The following MED13L variants were observed in gnomAD, a reference collection of about 807,000 sequenced individuals.
MED13L encodes mediator of RNA polymerase II transcription subunit 13-like.
A neutral mutation model predicts 220.9 loss-of-function variants in MED13L; 7 were observed. The observed-to-expected ratio is 0.03, with a 90% CI of 0.02 to 0.06. The LOEUF (loss-of-function observed/expected upper bound fraction) is 0.06, where lower values mean the gene tolerates loss of function less well. Among genes scored for constraint, MED13L ranks in the 10% least tolerant of loss-of-function variants. The probability of loss-of-function intolerance (pLI) is 1.00; values close to 1 mark genes in which losing one functional copy is unlikely to be tolerated. For synonymous variants in MED13L, 1,011 were observed against 1,015.2 expected, an observed-to-expected ratio of 1.00 and a Z score of 0.08; for missense variants, 1,965 against 2,760.5, an observed-to-expected ratio of 0.71 and a Z score of 6.46.
chr12:116,178,192 C>A (rs1880221672), intron 2 of MED13L, among the ~76,000 whole-genome samples: 2 of 152,064 alleles, frequency 1.3e-5, no homozygotes, highest in Admixed American at 1.3e-4. Context: ...TAATAGAAGT[C>A]ACAGAATTTT....
rs149631695 is a variant in MED13L at position 116,009,105 on chromosome 12, G to C, written c.1308C>G (p.Val436=). The change falls in exon 10 of 31, where the codon GTC becomes GTG. Residue 436 remains valine (V), a synonymous_variant. Transcript: ENST00000281928. ...ATACTGTGGGAGGTCGATTGGGCCC[G>C]ACTGCACAACGTTTTAAAAGCTTAT... ...SRHKLLKRCA[V]GPNRPPTVSQ... The C allele has an allele frequency of 6.2e-7, 1 of 1,613,948 alleles. No homozygotes were observed. The highest frequency in any genetic ancestry group is 8.5e-7 in the Non-Finnish European group (1 of 1,179,938).
intron 4 of MED13L, among the ~76,000 whole-genome samples, chr12:116,084,302 G>A (rs369314661): frequency 7.2e-5 from 11 of 152,122 alleles, no homozygotes; most frequent in African/African-American, 1.4e-4. Flanking sequence ...AATAATGCAC[G>A]ACAGTACATA....
Position 115,961,051 on chromosome 12 carries a change from G to A in MED13L, c.*215C>T, listed in dbSNP as rs141029410. 6.1e-4 allele frequency: 394 copies of A among 649,928 alleles called. 1 individual carries two copies. The highest frequency in any genetic ancestry group is 3.1e-3 in the South Asian group (177 of 56,614). The allele number at this position is 649,928 out of a possible 1,614,324, so 40.3% of individuals were successfully genotyped here. On this transcript the variant is annotated 3_prime_UTR_variant, in exon 31 of 31. Coordinates refer to ENST00000281928, the MANE Select transcript of MED13L (RefSeq NM_015335.5). ...GCACTGGCTGAAAGTCACCACTTAT[G>A]GAAGTTTCCAGGTCCATGAGAGAAG...
chr12:116,083,077 G>GTCAT (rs1871338937), intron 4 of MED13L, among the ~76,000 whole-genome samples: 1 of 152,184 alleles, frequency 6.6e-6, no homozygotes, highest in Non-Finnish European at 1.5e-5. Context: ...GATTTATCTA[G>GTCAT]TCATTCATTC....
At chr12:116,237,446 A>C in intron 2 of MED13L, 22 bp downstream of exon 2, 1 of 1,544,202 alleles carries the variant, frequency 6.5e-7, no homozygotes, top group Non-Finnish European at 9.0e-7. Flanking sequence ...AATAATTTTT[A>C]AGAAAAAAAC....
chr12:116,075,150 T>C (rs1870678304), intron 4 of MED13L, among the ~76,000 whole-genome samples: 1 of 152,222 alleles, frequency 6.6e-6, no homozygotes, highest in African/African-American at 2.4e-5. Flanking sequence ...ATCTTACCTT[T>C]TTCATTTTGG....
chr12:116,168,308 G>A (rs1224669466), intron 2 of MED13L, among the ~76,000 whole-genome samples: 1 of 150,616 alleles, frequency 6.6e-6, no homozygotes, highest in Non-Finnish European at 1.5e-5. Context: ...ATAGTGTCTT[G>A]TGCTTAATAA....
chr12:116,222,485 T>C (rs1868533574), intron 2 of MED13L, among the ~76,000 whole-genome samples: 1 of 152,210 alleles, frequency 6.6e-6, no homozygotes. Context: ...TGACCTATGC[T>C]GTAATGCCAG....
At chr12:116,164,440 C>T (rs369193368) in intron 2 of MED13L, among the ~76,000 whole-genome samples, 16 of 152,068 alleles carry the variant, frequency 1.1e-4, no homozygotes, top group African/African-American at 3.9e-4. Flanking sequence ...AAAAGAAACA[C>T]ATTTTGTTTA....
intron 30 of MED13L, among the ~76,000 whole-genome samples, chr12:115,961,900 G>A (rs1565980449): frequency 6.6e-6 from 1 of 152,006 alleles, no homozygotes; most frequent in Admixed American, 6.5e-5. Context: ...GAACCTGTGG[G>A]CGGAGGTTGC....
At chr12:116,156,662 A>C (rs1214360622) in intron 2 of MED13L, among the ~76,000 whole-genome samples, 1 of 152,182 alleles carries the variant, frequency 6.6e-6, no homozygotes, top group South Asian at 2.1e-4. Flanking sequence ...TTTTGTAAGA[A>C]TATTTAAGCT....
At chr12:116,111,686 T>A (rs1264710496) in intron 2 of MED13L, among the ~76,000 whole-genome samples, 174 bp from the exon 3 acceptor site, 2 of 152,134 alleles carry the variant, frequency 1.3e-5, no homozygotes, top group Non-Finnish European at 2.9e-5. Flanking sequence ...AGTTAGAAAA[T>A]ACTTACGTAC....
At chr12:116,216,110 G>C (rs996183290) in intron 2 of MED13L, among the ~76,000 whole-genome samples, 3 of 152,256 alleles carry the variant, frequency 2.0e-5, no homozygotes, top group Admixed American at 6.5e-5. Context: ...CTCTGCTCTT[G>C]TGACACTTTT....
chr12:116,115,255 T>A (rs777487566), intron 2 of MED13L, among the ~76,000 whole-genome samples: 1 of 151,992 alleles, frequency 6.6e-6, no homozygotes, highest in Non-Finnish European at 1.5e-5. Context: ...CACAAATTCA[T>A]TTTTTTTAAT....
At chr12:116,184,390 TTTGTACAAC>T (rs1419425788) in intron 2 of MED13L, among the ~76,000 whole-genome samples, 1 of 152,078 alleles carries the variant, frequency 6.6e-6, no homozygotes. Flanking sequence ...AAATGTGGAG[TTTGTACAAC>T]AATGAAGAGA....
chr12:116,204,552 A>C (rs1022876376), intron 2 of MED13L, among the ~76,000 whole-genome samples: 1 of 152,168 alleles, frequency 6.6e-6, no homozygotes, highest in Non-Finnish European at 1.5e-5. Flanking sequence ...CCTTTCTTCT[A>C]GTATGTGTTC....
intron 2 of MED13L, among the ~76,000 whole-genome samples, chr12:116,123,945 C>T (rs1027208658): frequency 1.3e-5 from 2 of 152,034 alleles, no homozygotes; most frequent in Non-Finnish European, 2.9e-5. Context: ...CTAATGCATT[C>T]TCGTTACACA....
At chr12:116,191,820 CATTA>C (rs1241105868) in intron 2 of MED13L, among the ~76,000 whole-genome samples, 1 of 151,720 alleles carries the variant, frequency 6.6e-6, no homozygotes, top group Non-Finnish European at 1.5e-5. Context: ...ATCCCTAATT[CATTA>C]ATTAATTAAT....
intron 2 of MED13L, among the ~76,000 whole-genome samples, chr12:116,137,856 T>G (rs923714416): frequency 6.7e-6 from 1 of 148,476 alleles, no homozygotes; most frequent in African/African-American, 2.5e-5. Flanking sequence ...GAGGTAATTT[T>G]TTTTTTTTTT....
Sources: allele counts gnomAD v4.1 joint callset (sites outside exome capture counted in the v4.1 genomes callset), GRCh38; gene constraint gnomAD v4.1.1; transcripts MANE v1.5; gene names NCBI Gene and HGNC (gene_info 2026-07-23, HGNC 2026-07-21).